The following LARP1 variants were observed in gnomAD, a reference collection of about 807,000 sequenced individuals.
The protein encoded by LARP1 is la-related protein 1.
In LARP1, 36 loss-of-function variants were observed where a neutral mutation model predicts 122.7. The observed-to-expected ratio is 0.29, with a 90% CI of 0.22 to 0.39. The LOEUF (loss-of-function observed/expected upper bound fraction) is 0.39. LARP1 is among the 10% of genes least tolerant of loss of function. The probability of loss-of-function intolerance (pLI) is 1.00; values close to 1 mark genes in which losing one functional copy is unlikely to be tolerated. For missense variants in LARP1, 1,040 were observed against 1,403.6 expected (o/e 0.74, Z 4.14); for synonymous variants, 539 against 528.7 (o/e 1.02, Z -0.27).
intron 1 of LARP1, chr5:154,705,497 C>G (rs1754907501): frequency 6.6e-6 from 1 of 152,142 alleles, no homozygotes; most frequent in Non-Finnish European, 1.5e-5. Context: ...CTCAGCCTCC[C>G]GAGTAGGTGG....
upstream of LARP1, among the ~76,000 whole-genome samples, chr5:154,750,552 G>A (rs1313286532): frequency 6.6e-6 from 1 of 152,212 alleles, no homozygotes; most frequent in Non-Finnish European, 1.5e-5. Context: ...GATTACAGGT[G>A]TGAGCCACCA....
At chr5:154,740,162 C>T (rs1336547106) in intron 1 of LARP1, among the ~76,000 whole-genome samples, 1 of 151,420 alleles carries the variant, frequency 6.6e-6, no homozygotes, top group Non-Finnish European at 1.5e-5. Flanking sequence ...GAGGCCGAGG[C>T]GGGTGGATCA....
intron 1 of LARP1, among the ~76,000 whole-genome samples, chr5:154,724,016 T>C (rs1582209943): frequency 1.3e-5 from 2 of 152,304 alleles, no homozygotes; most frequent in East Asian, 3.9e-4. Context: ...ATAAGATCAT[T>C]CTCAGACTGT....
chr5:154,803,035 C>T lies in LARP1; in HGVS notation c.2110-255C>T, dbSNP rs1171345243. 6.6e-6 allele frequency among the ~76,000 whole-genome samples: 1 copy of T among 152,182 alleles called. No homozygotes were observed. Among genetic ancestry groups the T allele is most frequent in the Non-Finnish European group, 1.5e-5 (1 of 68,028 alleles). On this transcript the variant is annotated intron_variant, in intron 11 of 18. Transcript: ENST00000518297. This position sits in a 1 kb window ranked among gnomAD's most constrained non-coding sequence, Gnocchi z 4.4. The stretch of plus-strand genomic sequence containing the variant: ...GAGTGTGTAGTGAGTTCCTGAGGAG[C>T]TACTGTCAGCCTGATCTCAGTCTTA...
intron 1 of LARP1, chr5:154,757,405 G>A (rs1021261132): frequency 8.1e-6 from 1 of 123,756 alleles, no homozygotes; most frequent in Admixed American, 9.2e-5. Context: ...CGGCTTGGGT[G>A]GGGGGGGCGC....
At chr5:154,731,767 C>T (rs1756582141) in intron 1 of LARP1, among the ~76,000 whole-genome samples, 1 of 152,194 alleles carries the variant, frequency 6.6e-6, no homozygotes, top group East Asian at 1.9e-4. Flanking sequence ...GGGTGGCTCA[C>T]GTCTGTAATC....
chr5:154,739,263 G>T (rs544403185), intron 1 of LARP1, among the ~76,000 whole-genome samples: 24 of 151,894 alleles, frequency 1.6e-4, no homozygotes, highest in African/African-American at 5.8e-4. Flanking sequence ...CTCGTGATCC[G>T]CCCACCTCGG....
At chr5:154,797,542 A>G (rs1230729961) in intron 8 of LARP1, among the ~76,000 whole-genome samples, 1 of 151,686 alleles carries the variant, frequency 6.6e-6, no homozygotes, top group Non-Finnish European at 1.5e-5. Flanking sequence ...CTGTTCTGGT[A>G]TTTTCTATTA....
rs529754803 is a variant in LARP1, at chr5:154,799,087, C to T, written c.1378-504C>T. Among the ~76,000 whole-genome samples, 8 of 152,314 alleles carry T rather than the reference C, an allele frequency of 5.3e-5. No individual in the cohort carries two copies. The South Asian group carries it at 1.7e-3, about 32-fold the overall frequency. ...CCATGTTGGCCAGGATGGTCTCAAT[C>T]TCTTGACCTTGTGATCTGCCTGCCT... is the stretch of plus-strand genomic sequence containing the variant. On this transcript the variant is annotated intron_variant, in intron 8 of 18. Transcript: ENST00000518297.
At chr5:154,790,618 G>T (rs756857233) in intron 2 of LARP1, 27 bp from the exon 3 acceptor site, 53 of 1,613,048 alleles carry the variant, frequency 3.3e-5, no homozygotes, top group Non-Finnish European at 4.3e-5. Flanking sequence ...TCACTCCTGG[G>T]GCCCTCATAG....
intron 10 of LARP1, among the ~76,000 whole-genome samples, chr5:154,800,841 A>T (rs941248095): frequency 6.6e-6 from 1 of 152,118 alleles, no homozygotes; most frequent in East Asian, 1.9e-4. Context: ...ATTACCTCTC[A>T]TCTCCTTTCT....
chr5:154,755,924 C>T lies in LARP1; in HGVS notation c.167C>T (p.Pro56Leu), dbSNP rs770372671. The T allele has an allele frequency of 4.4e-4, 437 of 1,002,210 alleles. No homozygotes were observed. The highest frequency in any genetic ancestry group is 1.5e-3 in the Middle Eastern group (3 of 1,950). 62.1% of individuals were successfully genotyped at this position (1,002,210 alleles called of 1,614,324 possible). ...GGEPDGSARR[P>L]RPPCAKPHKE... ...GAGCCGGACGGCAGCGCTCGGAGAC[C>T]CCGGCCGCCCTGCGCCAAGCCGCAC... Residue 56 changes from proline (P) to leucine (L), a missense_variant, in exon 1 of 19, where the codon CCC (proline) becomes CTC (leucine). Physicochemically the swap from Pro to Leu is moderately conservative, Grantham distance 98 (BLOSUM62 -3). This residue lies in a region of LARP1 where 257 missense variants were observed against 273.3 expected (regional missense o/e 0.94). Transcript: ENST00000518297.
chr5:154,731,514 G>T (rs2113405397), intron 1 of LARP1, among the ~76,000 whole-genome samples: 1 of 152,154 alleles, frequency 6.6e-6, no homozygotes, highest in Non-Finnish European at 1.5e-5. Flanking sequence ...CTTAGAGAAG[G>T]TGCTCTCAAA....
chr5:154,815,744 C>G lies in LARP1; in HGVS notation c.*1648C>G, dbSNP rs1262249949. ...ATGTGGACATAGAGTATACCTGATTCTCTTTCTTCAGCCACTGACTGCTTG... is the reference window on the plus strand; with the variant it reads ...ATGTGGACATAGAGTATACCTGATTGTCTTTCTTCAGCCACTGACTGCTTG... On this transcript the variant is annotated 3_prime_UTR_variant, in exon 19 of 19. Transcript: ENST00000518297. 6.6e-6 allele frequency: 1 copy of G among 152,274 alleles called. No homozygotes were observed. The highest frequency in any genetic ancestry group is 1.5e-5 in the Non-Finnish European group (1 of 68,084). 9.4% of individuals were successfully genotyped at this position (152,274 alleles called of 1,614,324 possible). A position where few individuals can be genotyped will look rare whatever the true frequency, so the allele number is the denominator to read the frequency against.
chr5:154,710,032 A>G (rs1023283661), upstream of LARP1, among the ~76,000 whole-genome samples: 3 of 152,144 alleles, frequency 2.0e-5, no homozygotes, highest in Non-Finnish European at 2.9e-5. Flanking sequence ...TCAGGCTTCT[A>G]TGAGAATCTA....
At chr5:154,700,201 G>A (rs187708879) in intron 1 of LARP1, among the ~76,000 whole-genome samples, 1 of 152,234 alleles carries the variant, frequency 6.6e-6, no homozygotes, top group Non-Finnish European at 1.5e-5. Context: ...ATGCAAAAAG[G>A]TATGATGAAC....
chr5:154,707,744 C>T (rs544262027), intron 1 of LARP1, among the ~76,000 whole-genome samples: 2 of 152,082 alleles, frequency 1.3e-5, no homozygotes, highest in South Asian at 4.2e-4. Flanking sequence ...CTAGACGGTC[C>T]CATTTGGGGG....
intron 1 of LARP1, among the ~76,000 whole-genome samples, chr5:154,687,980 G>A (rs929083445): frequency 2.6e-5 from 4 of 152,136 alleles, no homozygotes; most frequent in East Asian, 1.9e-4. Context: ...GGGATTATCC[G>A]AGGCATCTGG....
chr5:154,732,164 TAAAAC>T (rs1254467431), intron 1 of LARP1, among the ~76,000 whole-genome samples: 21 of 130,042 alleles, frequency 1.6e-4, no homozygotes, highest in African/African-American at 6.6e-4. Flanking sequence ...AGACTCTAGC[TAAAAC>T]AAAACAAAAC....
Sources: gnomAD v4.1 joint callset for allele counts (sites outside exome capture counted in the v4.1 genomes callset) on GRCh38, gnomAD v4.1.1 for gene constraint, gnomAD v4.1.1 regional missense constraint, Gnocchi (gnomAD v3.1) non-coding constraint, MANE v1.5 for transcripts, NCBI Gene and HGNC (gene_info 2026-07-23, HGNC 2026-07-21) for gene names.